Variants in YPEL2 observed in about 807,000 individuals in gnomAD.
YPEL2 encodes yippee like 2.
YPEL2 carries 2 observed loss-of-function variants against 19.1 expected under a neutral mutation model. That is an observed-to-expected ratio of 0.10 (90% confidence interval 0.04 to 0.33). YPEL2 has a LOEUF of 0.33. Among genes scored for constraint, YPEL2 ranks in the 10% least tolerant of loss-of-function variants. The pLI is 1.00. For missense variants in YPEL2, 66 were observed against 140.7 expected, an observed-to-expected ratio of 0.47 and a Z score of 2.68; for synonymous variants, 52 against 50.0, an observed-to-expected ratio of 1.04 and a Z score of -0.17.
chr17:59,389,101 A>C, intron 3 of YPEL2: 1 of 500,488 alleles, frequency 2.0e-6, no homozygotes, highest in South Asian at 2.7e-5. Flanking sequence ...TTGTTAGAAA[A>C]ATTAAAATTT....
At chr17:59,334,780 T>C (rs1027929335) in intron 1 of YPEL2, among the ~76,000 whole-genome samples, 2 of 152,200 alleles carry the variant, frequency 1.3e-5, no homozygotes, top group African/African-American at 4.8e-5. Flanking sequence ...TATGGGAGCA[T>C]CAAGCGTGGG....
intron 1 of YPEL2, among the ~76,000 whole-genome samples, chr17:59,332,373 C>T (rs1024429796): frequency 3.9e-5 from 6 of 152,216 alleles, no homozygotes; most frequent in African/African-American, 1.2e-4. Context: ...CTGCCCCGAC[C>T]CGGGTCGAGG....
chr17:59,379,737 A>G (rs2047939161), intron 2 of YPEL2, among the ~76,000 whole-genome samples: 1 of 152,128 alleles, frequency 6.6e-6, no homozygotes, highest in Non-Finnish European at 1.5e-5. Flanking sequence ...GAGTGTGAAT[A>G]TATCTCACAC....
chr17:59,340,078 G>C (rs138513188), intron 1 of YPEL2, among the ~76,000 whole-genome samples: 9 of 151,836 alleles, frequency 5.9e-5, no homozygotes, highest in African/African-American at 2.2e-4. Context: ...CTAGTGGGAA[G>C]TCTGACTGAG....
chr17:59,350,425 G>A (rs565827410), intron 1 of YPEL2, among the ~76,000 whole-genome samples: 119 of 152,164 alleles, frequency 7.8e-4, no homozygotes, highest in Non-Finnish European at 4.9e-4. Context: ...ATATTTAAGA[G>A]CAATGGGGAG....
chr17:59,384,556 C>G (rs1232373594), intron 2 of YPEL2, among the ~76,000 whole-genome samples: 1 of 152,168 alleles, frequency 6.6e-6, no homozygotes, highest in African/African-American at 2.4e-5. Context: ...CAGTGGAGCC[C>G]CTTTCTTCCA....
At chr17:59,338,218 TTGTC>T (rs890880696) in intron 1 of YPEL2, among the ~76,000 whole-genome samples, 4 of 152,146 alleles carry the variant, frequency 2.6e-5, no homozygotes, top group Admixed American at 6.5e-5. Flanking sequence ...TGGAGTTCCT[TTGTC>T]TGTTTCTCAC....
Position 59,390,833 on chromosome 17 carries a change from A to G in YPEL2, c.270+1365A>G, listed in dbSNP as rs538533072. ...ATCTAGGCAGCTAGAGTCAGGTTCAAATTTGGGATCCATGACTTATTTGTC... is the reference window on the plus strand; with the variant it reads ...ATCTAGGCAGCTAGAGTCAGGTTCAGATTTGGGATCCATGACTTATTTGTC... On this transcript the variant is annotated intron_variant, in intron 4 of 4. Transcript: ENST00000312655. Among the ~76,000 whole-genome samples, 118 of 152,244 alleles carry G rather than the reference A, an allele frequency of 7.8e-4. No homozygotes were observed. In the Middle Eastern group the frequency reaches 0.01, roughly 13 times the overall value.
intron 2 of YPEL2, among the ~76,000 whole-genome samples, chr17:59,388,092 T>C (rs1167715556): frequency 6.6e-6 from 1 of 152,242 alleles, no homozygotes; most frequent in Non-Finnish European, 1.5e-5. Flanking sequence ...TTTTTTCATT[T>C]TCTCACCTGG....
At chr17:59,366,498 T>C (rs1403576851) in intron 2 of YPEL2, among the ~76,000 whole-genome samples, 2 of 152,194 alleles carry the variant, frequency 1.3e-5, no homozygotes, top group Non-Finnish European at 2.9e-5. Flanking sequence ...TTTGTTTCCC[T>C]GATGGTCCCT....
At chr17:59,350,844 C>G (rs2047784083) in intron 1 of YPEL2, among the ~76,000 whole-genome samples, 1 of 152,170 alleles carries the variant, frequency 6.6e-6, no homozygotes, top group Non-Finnish European at 1.5e-5. Flanking sequence ...TAAACTCAGC[C>G]TGGCAGCCAG....
chr17:59,390,046 G>A (rs1002440359), intron 4 of YPEL2, among the ~76,000 whole-genome samples: 2 of 152,114 alleles, frequency 1.3e-5, no homozygotes, highest in Non-Finnish European at 2.9e-5. Context: ...TGTCGCCCAG[G>A]CTGGAGTACA....
chr17:59,385,172 A>G (rs1266355102), intron 2 of YPEL2, among the ~76,000 whole-genome samples: 1 of 152,254 alleles, frequency 6.6e-6, no homozygotes, highest in Non-Finnish European at 1.5e-5. Flanking sequence ...AAGGGAATAA[A>G]TTGTTGATAT....
chr17:59,401,428 G>T lies in YPEL2; in HGVS notation c.*4238G>T, dbSNP rs777604345. On this transcript the variant is annotated 3_prime_UTR_variant, in exon 5 of 5. Transcript: ENST00000312655. The stretch of plus-strand genomic sequence containing the variant: ...CGCATATGTTTTTGTATAACATTTC[G>T]GTGACAGTGGGAGTCGGTTCCCTTT... 6.6e-6 allele frequency: 1 copy of T among 152,470 alleles called. No individual in the cohort carries two copies. The highest frequency in any genetic ancestry group is 1.9e-4 in the East Asian group (1 of 5,200). The allele number at this position is 152,470 out of a possible 1,614,324, so 9.4% of individuals were successfully genotyped here. A position where few individuals can be genotyped will look rare whatever the true frequency, so the allele number is the denominator to read the frequency against.
At chr17:59,369,250 T>C (rs183653470) in intron 2 of YPEL2, among the ~76,000 whole-genome samples, 1 of 152,194 alleles carries the variant, frequency 6.6e-6, no homozygotes, top group Non-Finnish European at 1.5e-5. Flanking sequence ...TACGGCCAAG[T>C]GAAGGTGGAA....
intron 4 of YPEL2, among the ~76,000 whole-genome samples, chr17:59,390,208 G>T (rs1386307332): frequency 6.6e-6 from 1 of 152,050 alleles, no homozygotes; most frequent in African/African-American, 2.4e-5. Context: ...CACCATGTTG[G>T]CCGGGCTGGT....
At chr17:59,380,058 G>A (rs572276507) in intron 2 of YPEL2, among the ~76,000 whole-genome samples, 7 of 150,738 alleles carry the variant, frequency 4.6e-5, no homozygotes, top group African/African-American at 7.3e-5. Context: ...ACTGGGTTTC[G>A]TCATGTTGGC....
chr17:59,341,518 G>A (rs1483537818), intron 1 of YPEL2, among the ~76,000 whole-genome samples: 1 of 152,142 alleles, frequency 6.6e-6, no homozygotes, highest in African/African-American at 2.4e-5. Flanking sequence ...AATTAGCCGG[G>A]TGTGGTGGCG....
At chr17:59,392,429 G>A (rs2048011990) in intron 4 of YPEL2, among the ~76,000 whole-genome samples, 1 of 151,266 alleles carries the variant, frequency 6.6e-6, no homozygotes, top group African/African-American at 2.4e-5. Flanking sequence ...CAAGTACTGT[G>A]ATGTGCACAG....
Sources: allele counts gnomAD v4.1 joint callset (sites outside exome capture counted in the v4.1 genomes callset), GRCh38; gene constraint gnomAD v4.1.1; transcripts MANE v1.5; gene names NCBI Gene and HGNC (gene_info 2026-07-23, HGNC 2026-07-21).